Variants in ZFP36L1 observed in about 807,000 individuals in gnomAD.
ZFP36L1 encodes ZFP36 like 1 zinc finger CCCH-type.
In ZFP36L1, 4 loss-of-function variants were observed where a neutral mutation model predicts 16.7. That is an observed-to-expected ratio of 0.24 (90% CI 0.12 to 0.55). The LOEUF (loss-of-function observed/expected upper bound fraction) is 0.55, where lower values mean the gene tolerates loss of function less well. ZFP36L1 is among the 20% of genes least tolerant of loss of function. The pLI, the probability that ZFP36L1 is intolerant of heterozygous loss-of-function variation, is 0.94. For missense variants in ZFP36L1, 311 were observed against 449.2 expected (o/e 0.69, Z 2.78); for synonymous variants, 220 against 190.8 (o/e 1.15, Z -1.26).
upstream of ZFP36L1, chr14:68,796,183 G>T (rs776697960): frequency 1.1e-5 from 15 of 1,366,542 alleles, no homozygotes; most frequent in Middle Eastern, 2.1e-4. Flanking sequence ...GGGGAGGGGC[G>T]GCCCAGGTAT....
rs953366159 is a variant in ZFP36L1, at chr14:68,789,341, A to C, written c.*192T>G. The C allele has an allele frequency of 2.7e-6, 2 of 754,544 alleles. No individual in the cohort carries two copies. The highest frequency in any genetic ancestry group is 5.5e-5 in the East Asian group (2 of 36,150). 46.7% of individuals were successfully genotyped at this position (754,544 alleles called of 1,614,324 possible). On this transcript the variant is annotated 3_prime_UTR_variant, in exon 2 of 2. Coordinates refer to ENST00000439696, the MANE Select transcript of ZFP36L1 (RefSeq NM_004926.4). The surrounding 1 kb of genome is among the most constrained non-coding windows in gnomAD (Gnocchi z 4.5). ...GCCAGAAGAAGCTACTGACAAATTG[A>C]CTTGTCCTTATGTTAGGTGGGGTTA... is the stretch of plus-strand genomic sequence containing the variant.
At chr14:68,795,082 C>T (rs569138232), upstream of ZFP36L1, among the ~76,000 whole-genome samples, 5 of 152,232 alleles carry the variant, frequency 3.3e-5, no homozygotes, top group African/African-American at 1.2e-4. Flanking sequence ...TAATTTAAAT[C>T]ATTCAAGTGT....
rs1448297472 is a variant in ZFP36L1 at position 68,789,900 on chromosome 14, G to A, written c.650C>T (p.Thr217Ile). 6.2e-7 allele frequency: 1 copy of A among 1,609,390 alleles called. No homozygotes were observed. The highest frequency in any genetic ancestry group is 1.3e-5 in the African/African-American group (1 of 74,898). ...GGACGTGGGGCTGTCCAGCAGCCCG[G>A]TGGCAGCGGCGGTGGCAGCGGCACT... Reference protein sequence around the residue: ...FPSAAATAAATGLLDSPTSIT... With the variant: ...FPSAAATAAAIGLLDSPTSIT... The change falls in exon 2 of 2, where the codon ACC becomes ATC. Residue 217 changes from threonine to isoleucine, a missense_variant. Physicochemically the swap from Thr to Ile is moderately conservative, Grantham distance 89 (BLOSUM62 -1). Transcript: ENST00000439696. The surrounding 1 kb of genome is among the most constrained non-coding windows in gnomAD (Gnocchi z 4.5).
At chr14:68,792,384 T>G (rs1895106898) in intron 1 of ZFP36L1, among the ~76,000 whole-genome samples, 1 of 152,156 alleles carries the variant, frequency 6.6e-6, no homozygotes. Context: ...ACTTGGCCTT[T>G]CTTCCTCGCA....
upstream of ZFP36L1, chr14:68,793,920 G>T: frequency 1.0e-6 from 1 of 982,302 alleles, no homozygotes; most frequent in Non-Finnish European, 1.2e-6. Flanking sequence ...CTCTCCGGGT[G>T]TGGGCGGGTG....
Position 68,789,729 on chromosome 14 carries a change from G to A in ZFP36L1, c.821C>T (p.Pro274Leu), listed in dbSNP as rs547380298. The change falls in exon 2 of 2, where the codon CCG becomes CTG. Residue 274 changes from proline (P) to leucine (L), a missense_variant. Around this residue, in one of 4 missense-constraint regions of ZFP36L1, gnomAD observed 147 missense variants for 192.0 expected, o/e 0.77. Transcript: ENST00000439696. The surrounding 1 kb of genome is among the most constrained non-coding windows in gnomAD (Gnocchi z 4.5). ...CATGGGCCGGAAGAGGAAGGTGGTCGGGGAGCCACCCCCGGGCAGCCCCAT... is the reference window on the plus strand; with the variant it reads ...CATGGGCCGGAAGAGGAAGGTGGTCAGGGAGCCACCCCCGGGCAGCCCCAT... ...PSMGLPGGGS[P>L]TTFLFRPMSE... The A allele has an allele frequency of 3.1e-6, 5 of 1,614,032 alleles. No homozygotes were observed. Among genetic ancestry groups the A allele is most frequent in the Non-Finnish European group, 8.5e-7 (1 of 1,179,990 alleles).
intron 1 of ZFP36L1, among the ~76,000 whole-genome samples, chr14:68,792,396 A>G (rs1895107566): frequency 6.6e-6 from 1 of 152,120 alleles, no homozygotes; most frequent in Non-Finnish European, 1.5e-5. Context: ...TTCCTCGCAT[A>G]TCCCCAGCTC....
intron 1 of ZFP36L1, among the ~76,000 whole-genome samples, chr14:68,791,896 G>A (rs1895081867): frequency 6.6e-6 from 1 of 152,170 alleles, no homozygotes; most frequent in African/African-American, 2.4e-5. Context: ...GCAGCAAGCT[G>A]GGAAAACAGA....
chr14:68,793,064 C>G lies in ZFP36L1; in HGVS notation c.-126G>C, dbSNP rs929562837. 8 of 1,588,920 alleles carry G rather than the reference C, an allele frequency of 5.0e-6. No individual in the cohort carries two copies. The Admixed American group carries it at 6.8e-5, about 14-fold the overall frequency. Reference sequence around the variant, plus strand: ...TTCCCGGCGCCCCTCGCCTTTCTGACTCCGGGCTGGGGCGCGCAAAGCCCA... The same window carrying G: ...TTCCCGGCGCCCCTCGCCTTTCTGAGTCCGGGCTGGGGCGCGCAAAGCCCA... On this transcript the variant is annotated 5_prime_UTR_variant, in exon 1 of 2. Transcript: ENST00000439696.
upstream of ZFP36L1, chr14:68,795,903 G>C: frequency 1.1e-6 from 1 of 942,602 alleles, no homozygotes; most frequent in Non-Finnish European, 1.6e-6. Flanking sequence ...GGCGGGAGCC[G>C]ACCCGCCCTC....
In ZFP36L1 at chr14:68,789,477, G is replaced by C; in HGVS notation, c.*56C>G. The C allele has an allele frequency of 6.2e-7, 1 of 1,609,246 alleles. No homozygotes were observed. Among genetic ancestry groups the C allele is most frequent in the Non-Finnish European group, 8.5e-7 (1 of 1,178,390 alleles). ...GGATGGGTAGGGAGAAGAGGGTATG[G>C]GATGTGGGTGCAGGGTAGGGGCTGG... On this transcript the variant is annotated 3_prime_UTR_variant, in exon 2 of 2. Transcript: ENST00000439696. The surrounding 1 kb of genome is among the most constrained non-coding windows in gnomAD (Gnocchi z 4.5).
At chr14:68,793,671 C>T (rs950899388), upstream of ZFP36L1, 2 of 985,448 alleles carry the variant, frequency 2.0e-6, no homozygotes, top group Admixed American at 1.2e-4. Flanking sequence ...TTCTCTTCGA[C>T]ACTCGGCTCC....
At chr14:68,791,852 C>A (rs1483161026) in intron 1 of ZFP36L1, among the ~76,000 whole-genome samples, 1 of 152,194 alleles carries the variant, frequency 6.6e-6, no homozygotes, top group Non-Finnish European at 1.5e-5. Context: ...CCCAACCCTG[C>A]AGCCCTGGGG....
chr14:68,792,290 G>C (rs184180336), intron 1 of ZFP36L1, among the ~76,000 whole-genome samples: 16 of 152,076 alleles, frequency 1.1e-4, no homozygotes, highest in East Asian at 3.9e-4. Context: ...TGCACGATCG[G>C]CTATCGCGGG....
In ZFP36L1 at chr14:68,789,307, G is replaced by C. The variant is rs1894999990; in HGVS notation, c.*226C>G. On this transcript the variant is annotated 3_prime_UTR_variant, in exon 2 of 2. Transcript: ENST00000439696. The surrounding 1 kb of genome is among the most constrained non-coding windows in gnomAD (Gnocchi z 4.5). The stretch of plus-strand genomic sequence containing the variant: ...AAGTGGGCTATAAAATCCAGGGAGG[G>C]GGTTTCAAGCCAGAAGAAGCTACTG... 1.7e-6 allele frequency: 1 copy of C among 585,776 alleles called. No homozygotes were observed. Among genetic ancestry groups the C allele is most frequent in the African/African-American group, 1.9e-5 (1 of 53,906 alleles). 36.3% of individuals were successfully genotyped at this position (585,776 alleles called of 1,614,324 possible).
upstream of ZFP36L1, chr14:68,796,227 C>A (rs1372100789): frequency 7.3e-7 from 1 of 1,366,734 alleles, no homozygotes; most frequent in South Asian, 1.1e-5. Flanking sequence ...GTGGGATGTT[C>A]GGTTTTGTGC....
chr14:68,792,882 C>T lies in ZFP36L1; in HGVS notation c.57G>A (p.Lys19=), dbSNP rs531436245. Residue 19 remains lysine, a splice_region_variant and synonymous_variant, in exon 1 of 2, where the codon AAG becomes AAA. Transcript: ENST00000439696. The part of the protein sequence containing the change: ...TIFDLSEVLC[K]GNKMLNYSAP... ...AAGCAAATGCTCCGCCCCCCTTTAC[C>T]TTGCATAAAACTTCGCTCAAGTCGA... 4 of 1,614,116 alleles carry T rather than the reference C, an allele frequency of 2.5e-6. No individual in the cohort carries two copies. Among genetic ancestry groups the T allele is most frequent in the Admixed American group, 1.7e-5 (1 of 60,032 alleles).
At chr14:68,796,056 A>C, upstream of ZFP36L1, 1 of 1,342,034 alleles carries the variant, frequency 7.5e-7, no homozygotes. Context: ...CGCAGTCCCC[A>C]GGCTGGCCGC....
rs755358175 is a variant in ZFP36L1, at chr14:68,790,285, G to T, written c.265C>A (p.Arg89Ser). The change falls in exon 2 of 2, where the codon CGC becomes AGC. Residue 89 changes from arginine (R) to serine (S), a missense_variant. By Grantham distance (110) the Arg-to-Ser change is moderately radical. This residue lies in a region of ZFP36L1 where 137 missense variants were observed against 142.6 expected (regional missense o/e 0.96). Coordinates refer to ENST00000439696, the MANE Select transcript of ZFP36L1 (RefSeq NM_004926.4). Reference protein sequence around the residue: ...LSSRDSRFRDRSFSEGGERLL... With the variant: ...LSSRDSRFRDSSFSEGGERLL... ...CGCTCGCCCCCTTCCGAGAAGGAGC[G>T]GTCTCGGAAGCGGCTGTCTCGCGAG... The T allele has an allele frequency of 3.1e-6, 5 of 1,610,178 alleles. No individual in the cohort carries two copies. The South Asian group carries it at 5.5e-5, about 18-fold the overall frequency.
Sources: allele counts gnomAD v4.1 joint callset (sites outside exome capture counted in the v4.1 genomes callset), GRCh38; gene constraint gnomAD v4.1.1; regional missense constraint gnomAD v4.1.1; non-coding constraint Gnocchi (gnomAD v3.1); transcripts MANE v1.5; gene names NCBI Gene and HGNC (gene_info 2026-07-23, HGNC 2026-07-21).